The following USH2A variants were observed in gnomAD, a reference collection of about 807,000 sequenced individuals.
USH2A encodes the protein Usher syndrome 2A (autosomal recessive, mild).
Under a neutral mutation model 538.9 loss-of-function variants are expected in USH2A, and 443 were observed. That is an observed-to-expected ratio of 0.82 (90% confidence interval 0.76 to 0.89). The LOEUF (loss-of-function observed/expected upper bound fraction) is 0.89, where lower values mean the gene tolerates loss of function less well. USH2A is among the 40% of genes least tolerant of loss of function. The pLI is 0.00. For synonymous variants in USH2A, 2,413 were observed against 2,273.5 expected (o/e 1.06, Z -1.75); for missense variants, 6,633 against 6,324.8 (o/e 1.05, Z -1.65).
chr1:216,345,919 TCTG>T (rs1558047813), intron 4 of USH2A, among the ~76,000 whole-genome samples: 1 of 152,124 alleles, frequency 6.6e-6, no homozygotes, highest in East Asian at 1.9e-4. Flanking sequence ...AAGCTCAAAA[TCTG>T]CTGCTCTAGA....
chr1:215,772,735 C>T (rs1661328260), intron 55 of USH2A, among the ~76,000 whole-genome samples: 1 of 152,200 alleles, frequency 6.6e-6, no homozygotes, highest in Non-Finnish European at 1.5e-5. Flanking sequence ...TTTCACATAG[C>T]AAGTGCTACT....
At position 215,630,027 on chromosome 1, in the gene USH2A, G is replaced by A. The variant is rs1485916932; in HGVS notation, c.15298-992C>T. ...CCTGACCTTGTGATCCGCCCGCCTC[G>A]GCCTCCCATTTCTTTTCTTTTTTCA... On this transcript the variant is annotated intron_variant, in intron 70 of 71. Coordinates refer to ENST00000307340, the MANE Select transcript of USH2A (RefSeq NM_206933.4). 4.5e-5 allele frequency: 22 copies of A among 485,778 alleles called. No homozygotes were observed. In the East Asian group the frequency reaches 8.3e-4, roughly 18 times the overall value. 30.1% of individuals were successfully genotyped at this position (485,778 alleles called of 1,614,324 possible). A position where few individuals can be genotyped will look rare whatever the true frequency, so the allele number is the denominator to read the frequency against.
intron 38 of USH2A, among the ~76,000 whole-genome samples, chr1:215,929,110 G>A (rs1422234289): frequency 6.6e-6 from 1 of 151,374 alleles, no homozygotes; most frequent in Non-Finnish European, 1.5e-5. Context: ...AAACATCTTA[G>A]GATAAAATTT....
intron 11 of USH2A, among the ~76,000 whole-genome samples, chr1:216,271,731 T>C (rs1448500854): frequency 6.6e-6 from 1 of 152,118 alleles, no homozygotes; most frequent in Non-Finnish European, 1.5e-5. Flanking sequence ...GAAAGTGTTT[T>C]GAATTCTTTT....
At chr1:216,229,192 C>CT in intron 14 of USH2A, among the ~76,000 whole-genome samples, 1 of 152,052 alleles carries the variant, frequency 6.6e-6, no homozygotes, top group East Asian at 1.9e-4. Context: ...AAACCCCACA[C>CT]TTAATCTGAA....
chr1:215,754,253 T>C (rs533777346), intron 58 of USH2A, among the ~76,000 whole-genome samples: 2 of 152,170 alleles, frequency 1.3e-5, no homozygotes, highest in Non-Finnish European at 2.9e-5. Flanking sequence ...TATGAACGTA[T>C]GTACACGACA....
chr1:216,364,019 G>T (rs2038546227), intron 4 of USH2A, among the ~76,000 whole-genome samples: 2 of 150,602 alleles, frequency 1.3e-5, no homozygotes, highest in South Asian at 4.2e-4. Context: ...ATATTGTTTA[G>T]ATTTTTTTAT....
chr1:216,225,335 T>C (rs1439986305), intron 14 of USH2A, among the ~76,000 whole-genome samples: 1 of 152,204 alleles, frequency 6.6e-6, no homozygotes, highest in Admixed American at 6.5e-5. Context: ...ACTCAAGCAA[T>C]TCTCATTGTC....
intron 37 of USH2A, among the ~76,000 whole-genome samples, chr1:215,958,628 C>T (rs1165803546): frequency 6.6e-6 from 1 of 151,990 alleles, no homozygotes; most frequent in African/African-American, 2.4e-5. Context: ...TCTTTTCTAC[C>T]TGGAAATATC....
chr1:216,146,140 C>A (rs1257710470), intron 21 of USH2A, among the ~76,000 whole-genome samples: 1 of 152,050 alleles, frequency 6.6e-6, no homozygotes, highest in Non-Finnish European at 1.5e-5. Context: ...AAAGATCCAC[C>A]TACGACCTCA....
At chr1:216,257,647 A>G (rs1571629554) in intron 11 of USH2A, among the ~76,000 whole-genome samples, 1 of 151,802 alleles carries the variant, frequency 6.6e-6, no homozygotes, top group Admixed American at 6.6e-5. Flanking sequence ...TCCCACCTCC[A>G]CCCCACCATT....
At position 216,285,447 on chromosome 1, in the gene USH2A, G is replaced by A. The variant is rs146124270; in HGVS notation, c.1971+3833C>T. Among the ~76,000 whole-genome samples, 1,417 of 152,366 alleles carry A rather than the reference G, an allele frequency of 9.3e-3. 8 individuals carry two copies. The highest frequency in any genetic ancestry group is 0.038 in the South Asian group (183 of 4,830). On this transcript the variant is annotated intron_variant, in intron 11 of 71. Coordinates refer to ENST00000307340, the MANE Select transcript of USH2A (RefSeq NM_206933.4). ...CCGCCTAGCTTTCAGAGGATGTATG[G>A]AAATGCCTGGATGTCCAGGCAGAGG...
At chr1:215,648,365 G>C (rs1266976568) in intron 66 of USH2A, among the ~76,000 whole-genome samples, 163 bp downstream of exon 66, 1 of 152,164 alleles carries the variant, frequency 6.6e-6, no homozygotes, top group Non-Finnish European at 1.5e-5. Flanking sequence ...CAATTTGTTT[G>C]TCTACTTTGC....
At chr1:216,040,672 G>T (rs1558226508) in intron 32 of USH2A, among the ~76,000 whole-genome samples, 1 of 151,946 alleles carries the variant, frequency 6.6e-6, no homozygotes, top group Non-Finnish European at 1.5e-5. Flanking sequence ...TCTCATGAAG[G>T]ATTTCTTTTG....
chr1:216,118,438 AGCCTT>A (rs2033058470), intron 21 of USH2A, among the ~76,000 whole-genome samples: 1 of 152,120 alleles, frequency 6.6e-6, no homozygotes, highest in Non-Finnish European at 1.5e-5. Flanking sequence ...TGGGAACAGG[AGCCTT>A]AGCATCCTCA....
chr1:215,865,445 T>C (rs903660226), intron 44 of USH2A, among the ~76,000 whole-genome samples: 7 of 152,156 alleles, frequency 4.6e-5, no homozygotes, highest in Non-Finnish European at 1.0e-4. Context: ...AAAGGACCTA[T>C]ATTGGTGGAA....
intron 38 of USH2A, among the ~76,000 whole-genome samples, chr1:215,933,959 T>C (rs1347643141): frequency 1.3e-5 from 2 of 152,014 alleles, no homozygotes; most frequent in East Asian, 3.9e-4. Flanking sequence ...AGTTAAAACA[T>C]GGTGAAGCTG....
chr1:215,920,782 A>G (rs553759847), intron 38 of USH2A, among the ~76,000 whole-genome samples: 1 of 152,202 alleles, frequency 6.6e-6, no homozygotes, highest in South Asian at 2.1e-4. Flanking sequence ...AGCATCAACC[A>G]TGGGAATAAG....
chr1:216,281,416 G>A (rs1186574893), intron 11 of USH2A, among the ~76,000 whole-genome samples: 2 of 152,080 alleles, frequency 1.3e-5, no homozygotes, highest in African/African-American at 4.8e-5. Context: ...TTTAAAGCAT[G>A]TCTTTCCTTC....
Sources: allele counts gnomAD v4.1 joint callset (sites outside exome capture counted in the v4.1 genomes callset), GRCh38; gene constraint gnomAD v4.1.1; transcripts MANE v1.5; gene names NCBI Gene and HGNC (gene_info 2026-07-23, HGNC 2026-07-21).